The following PLEKHG5 variants were observed in gnomAD, a reference collection of about 807,000 sequenced individuals.
The protein encoded by PLEKHG5 is pleckstrin homology and RhoGEF domain containing G5.
Under a neutral mutation model 103.8 loss-of-function variants are expected in PLEKHG5, and 52 were observed. The ratio of observed to expected loss-of-function variants is 0.50; its 90% CI spans 0.40 to 0.63. PLEKHG5 has a LOEUF of 0.63. Among genes scored for constraint, PLEKHG5 ranks in the 30% least tolerant of loss-of-function variants. PLEKHG5 has a pLI of 0.00. For synonymous variants in PLEKHG5, 592 were observed against 575.5 expected (o/e 1.03, Z -0.41); for missense variants, 1,205 against 1,347.6 (o/e 0.89, Z 1.66).
At chr1:6,514,691 G>A (rs2148639276) in intron 1 of PLEKHG5, among the ~76,000 whole-genome samples, 1 of 151,878 alleles carries the variant, frequency 6.6e-6, no homozygotes, top group Non-Finnish European at 1.5e-5. Flanking sequence ...AACCCGGGAG[G>A]CGGAGGTTGC....
chr1:6,470,542 G>A lies in PLEKHG5; in HGVS notation c.1644C>T (p.Tyr548=), dbSNP rs775517465. 8.7e-6 allele frequency: 14 copies of A among 1,607,138 alleles called. No homozygotes were observed. In the Admixed American group the frequency reaches 2.0e-4, roughly 23 times the overall value. Residue 548 remains tyrosine (Y), a synonymous_variant, in exon 15 of 21, where the codon TAC becomes TAT. Transcript: ENST00000377728. ...LAAVVSRIDA[Y]EVVESSSDEV... ...CGTCGCTGCTGCTTTCCACCACCTC[G>A]TAGGCGTCGATGCGGCTCACCACGG...
chr1:6,503,157 A>G (rs1645314683), intron 1 of PLEKHG5, among the ~76,000 whole-genome samples: 1 of 152,186 alleles, frequency 6.6e-6, no homozygotes, highest in South Asian at 2.1e-4. Context: ...TTATACCCAT[A>G]ATCCCAACAC....
At chr1:6,473,795 T>G (rs1197208878) in intron 7 of PLEKHG5, among the ~76,000 whole-genome samples, 3 of 152,080 alleles carry the variant, frequency 2.0e-5, no homozygotes, top group African/African-American at 7.2e-5. Flanking sequence ...CCCCTGGCAC[T>G]AGAAGAGTCT....
At chr1:6,471,459 C>T (rs1040416473) in intron 12 of PLEKHG5, 29 bp downstream of exon 12, 12 of 1,601,032 alleles carry the variant, frequency 7.5e-6, no homozygotes, top group South Asian at 2.2e-5. Flanking sequence ...TGCCTCAGTG[C>T]CCCCGCCTGC....
chr1:6,516,862 A>ATGTGTG (rs372208282), intron 1 of PLEKHG5, among the ~76,000 whole-genome samples: 392 of 24,308 alleles, frequency 0.016, 6 homozygotes, highest in Middle Eastern at 0.075. Context: ...GTGTGTATAT[A>ATGTGTG]TGTGTATATA....
chr1:6,493,901 C>A (rs1451412915), upstream of PLEKHG5, among the ~76,000 whole-genome samples: 2 of 152,042 alleles, frequency 1.3e-5, no homozygotes, highest in African/African-American at 4.8e-5. Context: ...CTCAAGTGAT[C>A]TGCCCACCTT....
chr1:6,517,855 C>G (rs4243831), intron 1 of PLEKHG5, among the ~76,000 whole-genome samples: 126,325 of 152,218 alleles, frequency 0.83, 53,129 homozygotes, highest in Non-Finnish European at 0.89. Flanking sequence ...GGCTCCAACT[C>G]GGGTAGGAGA....
chr1:6,477,981 C>T (rs948035872), intron 1 of PLEKHG5, among the ~76,000 whole-genome samples: 11 of 152,054 alleles, frequency 7.2e-5, no homozygotes, highest in South Asian at 4.2e-4. Flanking sequence ...CCTGGTTTCA[C>T]GCAATTCTCC....
chr1:6,482,010 C>T (rs1263728377), intron 1 of PLEKHG5, among the ~76,000 whole-genome samples: 1 of 152,004 alleles, frequency 6.6e-6, no homozygotes, highest in Admixed American at 6.6e-5. Flanking sequence ...ACCCACTGGC[C>T]TCCTGGTCGT....
At chr1:6,496,845 G>C (rs941570445), upstream of PLEKHG5, 16 of 634,754 alleles carry the variant, frequency 2.5e-5, no homozygotes, top group Non-Finnish European at 3.6e-5. Flanking sequence ...TCTAGTCTGG[G>C]GGACAAGTGG....
chr1:6,509,829 C>T (rs536588409), intron 1 of PLEKHG5, among the ~76,000 whole-genome samples: 1 of 152,354 alleles, frequency 6.6e-6, no homozygotes, highest in East Asian at 1.9e-4. Context: ...CAAGACCCTG[C>T]ACGCACAGGG....
exon 1 of PLEKHG5, chr1:6,519,754 T>C (rs965152098): frequency 3.4e-6 from 2 of 594,898 alleles, no homozygotes; most frequent in Non-Finnish European, 6.0e-6. Context: ...CCCTGGGCGC[T>C]GTATATTTGA....
In PLEKHG5 at chr1:6,491,314, T is replaced by G. The variant is rs1182984453; in HGVS notation, c.-88+323A>C. Reference sequence around the variant, plus strand: ...TTTTATACAGCCTTCCCCCGACCCCTTCCCAGGCCAAAACCTCCAGACTGC... The same window carrying G: ...TTTTATACAGCCTTCCCCCGACCCCGTCCCAGGCCAAAACCTCCAGACTGC... On this transcript the variant is annotated intron_variant, in intron 1 of 20. Coordinates refer to ENST00000377728, the MANE Select transcript of PLEKHG5 (RefSeq NM_020631.6). The surrounding 1 kb of genome is among the most constrained non-coding windows in gnomAD (Gnocchi z 4.1). Among the ~76,000 whole-genome samples, 3 of 152,062 alleles carry G rather than the reference T, an allele frequency of 2.0e-5. No homozygotes were observed. The highest frequency in any genetic ancestry group is 4.4e-5 in the Non-Finnish European group (3 of 67,990).
Position 6,469,547 on chromosome 1 carries a change from G to C in PLEKHG5, c.1930C>G (p.Pro644Ala), listed in dbSNP as rs781318885. The C allele has an allele frequency of 2.6e-5, 42 of 1,613,738 alleles. No homozygotes were observed. In the Middle Eastern group the frequency reaches 4.9e-4, roughly 19 times the overall value. ...ACAGGGGACCAGGGCTCCTTACCAG[G>C]GTCCCGTAGCTCCCGGCACACAATC... ...DKIVCRELRD[P>A]GSFLLIYLNE... The change falls in exon 17 of 21, where the codon CCT becomes GCT. Residue 644 changes from proline (P) to alanine (A), a missense_variant. Physicochemically the swap from Pro to Ala is conservative, Grantham distance 27. Coordinates refer to ENST00000377728, the MANE Select transcript of PLEKHG5 (RefSeq NM_020631.6).
chr1:6,492,119 G>A (rs1325819756), upstream of PLEKHG5, among the ~76,000 whole-genome samples: 1 of 152,222 alleles, frequency 6.6e-6, no homozygotes, highest in African/African-American at 2.4e-5. Context: ...CGGAGATGGG[G>A]TAGGCCCCAC....
intron 1 of PLEKHG5, chr1:6,519,325 C>A: frequency 1.2e-6 from 1 of 818,694 alleles, no homozygotes; most frequent in South Asian, 1.4e-5. Flanking sequence ...GCTCTTAAAC[C>A]GTCCGGACTA....
intron 1 of PLEKHG5, among the ~76,000 whole-genome samples, chr1:6,479,615 C>G (rs956713594): frequency 7.3e-6 from 1 of 136,292 alleles, no homozygotes; most frequent in African/African-American, 2.7e-5. Context: ...ATTACATTGA[C>G]TTTTTTTTTT....
chr1:6,512,053 C>G (rs1387635969), intron 1 of PLEKHG5, among the ~76,000 whole-genome samples: 1 of 152,172 alleles, frequency 6.6e-6, no homozygotes, highest in Non-Finnish European at 1.5e-5. Context: ...GGACCAAGGG[C>G]CTTCAAGGTG....
At chr1:6,497,612 C>T (rs1489193361), upstream of PLEKHG5, among the ~76,000 whole-genome samples, 4 of 152,084 alleles carry the variant, frequency 2.6e-5, no homozygotes, top group Admixed American at 6.5e-5. The surrounding 1 kb of genome is among the most constrained non-coding windows in gnomAD (Gnocchi z 6.1). Context: ...GGCACCGGGG[C>T]GGCTCAGGAA....
Sources: gnomAD v4.1 joint callset for allele counts (sites outside exome capture counted in the v4.1 genomes callset) on GRCh38, gnomAD v4.1.1 for gene constraint, Gnocchi (gnomAD v3.1) non-coding constraint, MANE v1.5 for transcripts, NCBI Gene and HGNC (gene_info 2026-07-23, HGNC 2026-07-21) for gene names.